The following ELAVL4 variants were observed in gnomAD, a reference collection of about 807,000 sequenced individuals.
The protein encoded by ELAVL4 is ELAV-like protein 4.
In ELAVL4, 1 loss-of-function variant was observed where a neutral mutation model predicts 35.6. The observed-to-expected ratio is 0.03, with a 90% CI of 0.01 to 0.13. The LOEUF is 0.13. Among genes scored for constraint, ELAVL4 ranks in the 10% least tolerant of loss-of-function variants. The probability of loss-of-function intolerance (pLI) is 1.00; values close to 1 mark genes in which losing one functional copy is unlikely to be tolerated. For missense variants in ELAVL4, 267 were observed against 464.9 expected (o/e 0.57, Z 3.91); for synonymous variants, 156 against 171.0 (o/e 0.91, Z 0.69).
chr1:50,108,565 G>T (rs556801593), upstream of ELAVL4, among the ~76,000 whole-genome samples: 1 of 152,114 alleles, frequency 6.6e-6, no homozygotes, highest in Non-Finnish European at 1.5e-5. Flanking sequence ...GAGGTGGCAC[G>T]GTTCGGCCCT....
intron 1 of ELAVL4, among the ~76,000 whole-genome samples, chr1:50,088,395 T>G (rs1665342085): frequency 6.6e-6 from 1 of 152,216 alleles, no homozygotes; most frequent in Non-Finnish European, 1.5e-5. Flanking sequence ...GTAAACCATC[T>G]GAACCATAGA....
chr1:50,185,810 A>T (rs1228381425), intron 3 of ELAVL4, among the ~76,000 whole-genome samples: 2 of 152,196 alleles, frequency 1.3e-5, no homozygotes, highest in African/African-American at 4.8e-5. Flanking sequence ...TTCGGGCAAC[A>T]TATATAAAAA....
intron 1 of ELAVL4, among the ~76,000 whole-genome samples, chr1:50,048,913 A>T (rs1663214096): frequency 6.6e-6 from 1 of 152,184 alleles, no homozygotes; most frequent in Non-Finnish European, 1.5e-5. Flanking sequence ...TTATACATGT[A>T]GGATTTAGTA....
upstream of ELAVL4, among the ~76,000 whole-genome samples, chr1:50,099,434 C>T (rs1340769927): frequency 6.6e-6 from 1 of 151,768 alleles, no homozygotes; most frequent in Non-Finnish European, 1.5e-5. Context: ...GTGGCGCATG[C>T]CTGTAATCTC....
intron 1 of ELAVL4, among the ~76,000 whole-genome samples, chr1:50,131,899 A>C (rs957533632): frequency 1.3e-5 from 2 of 151,968 alleles, no homozygotes; most frequent in East Asian, 1.9e-4. Flanking sequence ...AAAAAAAAAA[A>C]AAACCAGAAG....
At chr1:50,051,201 A>G (rs1442268648) in intron 1 of ELAVL4, among the ~76,000 whole-genome samples, 4 of 152,198 alleles carry the variant, frequency 2.6e-5, no homozygotes, top group African/African-American at 9.6e-5. Flanking sequence ...GCAAACATAT[A>G]TCCACAAAGA....
chr1:50,194,228 C>G (rs1683096531), intron 4 of ELAVL4, among the ~76,000 whole-genome samples: 1 of 152,180 alleles, frequency 6.6e-6, no homozygotes, highest in African/African-American at 2.4e-5. Context: ...ATTCAGCCCT[C>G]AACCAAATAA....
chr1:50,052,365 A>T (rs1663430472), intron 1 of ELAVL4, among the ~76,000 whole-genome samples: 1 of 152,174 alleles, frequency 6.6e-6, no homozygotes, highest in South Asian at 2.1e-4. Flanking sequence ...AGCTGATTAT[A>T]ACTGAAGCTG....
intron 1 of ELAVL4, among the ~76,000 whole-genome samples, chr1:50,133,639 GA>G (rs1215478266): frequency 2.0e-5 from 3 of 147,436 alleles, no homozygotes; most frequent in Non-Finnish European, 4.5e-5. Flanking sequence ...AAGAAAGAAA[GA>G]AAGAAAGAAA....
intron 1 of ELAVL4, among the ~76,000 whole-genome samples, chr1:50,092,685 AGGGACT>A (rs1315508238): frequency 6.6e-6 from 1 of 152,182 alleles, no homozygotes; most frequent in African/African-American, 2.4e-5. Flanking sequence ...GTGAGTGCCA[AGGGACT>A]GCTTGGTGAT....
chr1:50,055,467 T>C (rs927341694), intron 1 of ELAVL4, among the ~76,000 whole-genome samples: 10 of 151,694 alleles, frequency 6.6e-5, no homozygotes, highest in African/African-American at 9.7e-5. Context: ...ACCCAGCTAA[T>C]TTTTTGTATT....
At chr1:50,150,263 T>C (rs72688525) in intron 2 of ELAVL4, among the ~76,000 whole-genome samples, 3 of 152,356 alleles carry the variant, frequency 2.0e-5, no homozygotes, top group Non-Finnish European at 4.4e-5. Flanking sequence ...CCACTTCTAA[T>C]CCGTGTCTTC....
At chr1:50,078,969 C>T (rs1430580421) in intron 1 of ELAVL4, among the ~76,000 whole-genome samples, 1 of 152,156 alleles carries the variant, frequency 6.6e-6, no homozygotes, top group Non-Finnish European at 1.5e-5. Context: ...CATTGAGTAC[C>T]ATCCATTAAA....
At chr1:50,074,091 G>A (rs1664651029) in intron 1 of ELAVL4, among the ~76,000 whole-genome samples, 1 of 152,198 alleles carries the variant, frequency 6.6e-6, no homozygotes, top group Non-Finnish European at 1.5e-5. Flanking sequence ...CAAGATCAAG[G>A]GTCCTGGGGC....
At chr1:50,128,364 G>A (rs1317720095) in intron 1 of ELAVL4, among the ~76,000 whole-genome samples, 1 of 152,114 alleles carries the variant, frequency 6.6e-6, no homozygotes, top group Non-Finnish European at 1.5e-5. Flanking sequence ...GAGGTTTATG[G>A]TGAGAGCAAA....
intron 1 of ELAVL4, among the ~76,000 whole-genome samples, chr1:50,090,798 A>G (rs1012574636): frequency 8.5e-5 from 13 of 152,164 alleles, no homozygotes; most frequent in Non-Finnish European, 1.5e-4. Flanking sequence ...CCACATTCCA[A>G]TGGCCGGAGC....
chr1:50,187,831 C>T (rs894129439), intron 3 of ELAVL4, among the ~76,000 whole-genome samples: 1 of 152,168 alleles, frequency 6.6e-6, no homozygotes, highest in African/African-American at 2.4e-5. Flanking sequence ...CATGGTGGCT[C>T]TCATCTGTAA....
At chr1:50,161,714 G>T (rs1166737286) in intron 2 of ELAVL4, among the ~76,000 whole-genome samples, 7 of 152,180 alleles carry the variant, frequency 4.6e-5, no homozygotes, top group Non-Finnish European at 1.0e-4. Flanking sequence ...TTGAGAAATA[G>T]TTGGTTGGCC....
chr1:50,131,721 C>T (rs533813110), intron 1 of ELAVL4, among the ~76,000 whole-genome samples: 20 of 152,002 alleles, frequency 1.3e-4, no homozygotes, highest in African/African-American at 3.9e-4. Context: ...ACCTAGGAGG[C>T]GGAGGTTTCA....
Sources: gnomAD v4.1 joint callset for allele counts (sites outside exome capture counted in the v4.1 genomes callset) on GRCh38, gnomAD v4.1.1 for gene constraint, MANE v1.5 for transcripts, NCBI Gene and HGNC (gene_info 2026-07-23, HGNC 2026-07-21) for gene names.